The following RPH3AL variants were observed in gnomAD, a reference collection of about 807,000 sequenced individuals.
The protein encoded by RPH3AL is rabphilin 3A like (without C2 domains).
Under a neutral mutation model 43.1 loss-of-function variants are expected in RPH3AL, and 38 were observed. The observed-to-expected ratio is 0.88, with a 90% CI of 0.68 to 1.15. RPH3AL has a LOEUF of 1.15. Ranked by LOEUF, RPH3AL falls within the 50% of genes most tolerant of loss-of-function variation. The probability of loss-of-function intolerance (pLI) is 0.00; values close to 1 mark genes in which losing one functional copy is unlikely to be tolerated. For missense variants in RPH3AL, 462 were observed against 423.2 expected, an observed-to-expected ratio of 1.09 and a Z score of -0.81; for synonymous variants, 189 against 176.3, an observed-to-expected ratio of 1.07 and a Z score of -0.57.
At chr17:326,041 G>A (rs1441829162) in intron 3 of RPH3AL, among the ~76,000 whole-genome samples, 1 of 152,224 alleles carries the variant, frequency 6.6e-6, no homozygotes, top group African/African-American at 2.4e-5. Context: ...ACCCTGGAGG[G>A]TCAGGAGTCC....
chr17:293,089 G>C (rs893896633), intron 5 of RPH3AL, among the ~76,000 whole-genome samples: 20 of 152,282 alleles, frequency 1.3e-4, no homozygotes, highest in Admixed American at 9.2e-4. Context: ...CTTCCGGCAG[G>C]CCCTTCCCCT....
intron 6 of RPH3AL, 149 bp from the exon 7 acceptor site, chr17:247,434 T>G (rs560766376): frequency 1.3e-5 from 10 of 748,424 alleles, no homozygotes; most frequent in African/African-American, 1.2e-4. Flanking sequence ...GCTGATGGGC[T>G]GGGCTGTCAG....
chr17:338,102 A>G (rs1273089296), intron 1 of RPH3AL, among the ~76,000 whole-genome samples: 2 of 152,182 alleles, frequency 1.3e-5, no homozygotes, highest in Non-Finnish European at 2.9e-5. Context: ...GTCTTTTCTG[A>G]AAGGCCTGAA....
At chr17:270,737 T>C (rs1021370671) in intron 6 of RPH3AL, among the ~76,000 whole-genome samples, 10 of 152,198 alleles carry the variant, frequency 6.6e-5, no homozygotes, top group African/African-American at 2.4e-4. Context: ...CCTGTTCACT[T>C]TGATCATAGT....
In RPH3AL at chr17:329,170, AT is replaced by A. The variant is rs200458224; in HGVS notation, c.-36-1592del. 2.7e-3 allele frequency among the ~76,000 whole-genome samples: 418 copies of A among 152,254 alleles called. 3 individuals carry two copies. Among genetic ancestry groups the A allele is most frequent in the Middle Eastern group, 0.014 (4 of 294 alleles). ...ACAAACACAGACCATGAAAAAAAAA[AT>A]GAATTATAACTCATTCACAGGCCAG... On this transcript the variant is annotated intron_variant, in intron 2 of 9. Transcript: ENST00000331302.
intron 3 of RPH3AL, 133 bp downstream of exon 3, chr17:327,334 G>A: frequency 8.0e-6 from 6 of 753,680 alleles, no homozygotes; most frequent in Non-Finnish European, 1.4e-5. Context: ...GGCCTGGAGT[G>A]TGGCATGCAT....
At chr17:235,077 TTCAC>T (rs2041331198) in intron 7 of RPH3AL, among the ~76,000 whole-genome samples, 1 of 147,332 alleles carries the variant, frequency 6.8e-6, no homozygotes, top group African/African-American at 2.4e-5. Flanking sequence ...GCGGAGGCTC[TTCAC>T]TCACTAACAA....
intron 7 of RPH3AL, among the ~76,000 whole-genome samples, chr17:227,504 C>A (rs927004530): frequency 6.6e-6 from 1 of 152,188 alleles, no homozygotes; most frequent in Non-Finnish European, 1.5e-5. Context: ...CCAGGCTCTG[C>A]TCAGCCACCA....
intron 9 of RPH3AL, among the ~76,000 whole-genome samples, chr17:214,285 C>CT (rs2040739956): frequency 6.6e-6 from 1 of 152,170 alleles, no homozygotes; most frequent in Admixed American, 6.5e-5. Context: ...GGCCACACAG[C>CT]TTCCCCCTTT....
chr17:298,005 GC>G (rs1412102880), intron 5 of RPH3AL, among the ~76,000 whole-genome samples: 1 of 152,072 alleles, frequency 6.6e-6, no homozygotes, highest in Non-Finnish European at 1.5e-5. Flanking sequence ...GCCTTGCCAA[GC>G]CCACCACGCC....
Position 293,655 on chromosome 17 carries a change from G to A in RPH3AL, c.352-11801C>T, listed in dbSNP as rs192631078. 2.6e-5 allele frequency among the ~76,000 whole-genome samples: 4 copies of A among 152,338 alleles called. No homozygotes were observed. In the East Asian group the frequency reaches 7.7e-4, roughly 29 times the overall value. ...GGGCCGTGCAGCACCGGTGATGGGA[G>A]CACGGTGCACTCAACAGGAGCTTCG... On this transcript the variant is annotated intron_variant, in intron 5 of 9. Transcript: ENST00000331302.
chr17:319,333 T>C (rs1036605176), intron 5 of RPH3AL, 87 bp downstream of exon 5: 8 of 1,502,488 alleles, frequency 5.3e-6, no homozygotes, highest in Non-Finnish European at 7.2e-6. Flanking sequence ...ACATACACAC[T>C]CCTGGGAGCC....
Position 283,178 on chromosome 17 carries a change from A to C in RPH3AL, c.352-1324T>G, listed in dbSNP as rs1413178918. Among the ~76,000 whole-genome samples, 1 of 152,106 alleles carries C rather than the reference A, an allele frequency of 6.6e-6. No homozygotes were observed. Among genetic ancestry groups the C allele is most frequent in the Non-Finnish European group, 1.5e-5 (1 of 68,018 alleles). On this transcript the variant is annotated intron_variant, in intron 5 of 9. Coordinates refer to ENST00000331302, the MANE Select transcript of RPH3AL (RefSeq NM_006987.4). The surrounding 1 kb of genome is among the most constrained non-coding windows in gnomAD (Gnocchi z 4.2). The stretch of plus-strand genomic sequence containing the variant: ...GGGGGCTCTCTGCAGCCCCCCGCCG[A>C]GGGAAGGTTGCATCTGTTGCTTGGC...
intron 1 of RPH3AL, among the ~76,000 whole-genome samples, chr17:337,278 T>C (rs1451548348): frequency 6.6e-6 from 1 of 152,050 alleles, no homozygotes; most frequent in Non-Finnish European, 1.5e-5. Context: ...TTTTTAATTT[T>C]TTGGTAAAGA....
In RPH3AL at chr17:245,864, C is replaced by T. The variant is rs111672915; in HGVS notation, c.613+1247G>A. ...ACGGTCTCCACTGCATTGCATCCCA[C>T]GGTCCCCACCAATGTCTGTCCGTGG... On this transcript the variant is annotated intron_variant, in intron 7 of 9. Coordinates refer to ENST00000331302, the MANE Select transcript of RPH3AL (RefSeq NM_006987.4). This position sits in a 1 kb window ranked among gnomAD's most constrained non-coding sequence, Gnocchi z 5.9. 3.3e-5 allele frequency among the ~76,000 whole-genome samples: 5 copies of T among 152,258 alleles called. No individual in the cohort carries two copies. The highest frequency in any genetic ancestry group is 9.6e-5 in the African/African-American group (4 of 41,554).
At chr17:272,255 G>A (rs2042483091) in intron 6 of RPH3AL, among the ~76,000 whole-genome samples, 1 of 152,130 alleles carries the variant, frequency 6.6e-6, no homozygotes, top group South Asian at 2.1e-4. Context: ...CCATTACTGG[G>A]TATATACCCA....
At chr17:261,349 C>CCT (rs148235807) in intron 6 of RPH3AL, among the ~76,000 whole-genome samples, 1 of 151,988 alleles carries the variant, frequency 6.6e-6, no homozygotes, top group South Asian at 2.1e-4. Flanking sequence ...GAATGTGCTT[C>CCT]CTCTCTCTCT....
chr17:217,111 G>T (rs8066548), intron 8 of RPH3AL, among the ~76,000 whole-genome samples: 2 of 109,988 alleles, frequency 1.8e-5, no homozygotes, highest in South Asian at 3.5e-4. Context: ...AATTGGCCTC[G>T]CTGAAATCAG....
At chr17:329,626 T>A (rs768977183) in intron 2 of RPH3AL, among the ~76,000 whole-genome samples, 75 of 152,240 alleles carry the variant, frequency 4.9e-4, no homozygotes, top group Non-Finnish European at 8.2e-4. Flanking sequence ...GACGTTCACA[T>A]AATTTACATA....
Sources: gnomAD v4.1 joint callset for allele counts (sites outside exome capture counted in the v4.1 genomes callset) on GRCh38, gnomAD v4.1.1 for gene constraint, Gnocchi (gnomAD v3.1) non-coding constraint, MANE v1.5 for transcripts, NCBI Gene and HGNC (gene_info 2026-07-23, HGNC 2026-07-21) for gene names.